The following TOX3 variants were observed in gnomAD, a reference collection of about 807,000 sequenced individuals.
TOX3 encodes the protein CAG trinucleotide repeat-containing gene F9 protein.
Under a neutral mutation model 64.3 loss-of-function variants are expected in TOX3, and 22 were observed. The ratio of observed to expected loss-of-function variants is 0.34; its 90% confidence interval spans 0.24 to 0.49. TOX3 has a LOEUF of 0.49. Among genes scored for constraint, TOX3 ranks in the 20% least tolerant of loss-of-function variants. TOX3 has a pLI of 0.99. For synonymous variants in TOX3, 291 were observed against 273.6 expected (o/e 1.06, Z -0.63); for missense variants, 661 against 714.4 (o/e 0.93, Z 0.85).
intron 1 of TOX3, among the ~76,000 whole-genome samples, chr16:52,501,903 C>A (rs1240740883): frequency 6.6e-6 from 1 of 152,088 alleles, no homozygotes; most frequent in Admixed American, 6.5e-5. Context: ...TAAGATGGAC[C>A]CTTCTCACCA....
intron 1 of TOX3, among the ~76,000 whole-genome samples, chr16:52,502,862 G>C (rs984129951): frequency 6.6e-6 from 1 of 152,042 alleles, no homozygotes; most frequent in Non-Finnish European, 1.5e-5. Context: ...ACTTTAAATT[G>C]GGGTCAAAAA....
chr16:52,532,408 C>G (rs944510662), intron 1 of TOX3, among the ~76,000 whole-genome samples: 2 of 152,176 alleles, frequency 1.3e-5, no homozygotes, highest in Non-Finnish European at 2.9e-5. Context: ...CATGAACAAG[C>G]CCAGGCTGGC....
chr16:52,524,799 A>G (rs1405378638), intron 1 of TOX3, among the ~76,000 whole-genome samples: 2 of 152,062 alleles, frequency 1.3e-5, no homozygotes, highest in African/African-American at 4.8e-5. Flanking sequence ...TCTGGCCTCG[A>G]CCATCCTCTC....
At chr16:52,536,428 G>C (rs1962945351) in intron 1 of TOX3, among the ~76,000 whole-genome samples, 1 of 151,200 alleles carries the variant, frequency 6.6e-6, no homozygotes, top group Non-Finnish European at 1.5e-5. Context: ...AGAATATCAA[G>C]TTCAAAAAGA....
chr16:52,510,765 A>C (rs948581751), intron 1 of TOX3, among the ~76,000 whole-genome samples: 4 of 144,556 alleles, frequency 2.8e-5, no homozygotes, highest in African/African-American at 1.0e-4. Flanking sequence ...GTCTCAAAAA[A>C]AAAAAAAAAA....
At chr16:52,454,843 C>A (rs1960470151) in intron 3 of TOX3, among the ~76,000 whole-genome samples, 1 of 152,186 alleles carries the variant, frequency 6.6e-6, no homozygotes, top group Admixed American at 6.5e-5. Flanking sequence ...AACAAATTTA[C>A]TACAACATAA....
At position 52,437,789 on chromosome 16, in the gene TOX3, TAAAAAAAAAAA is replaced by T. The variant is rs67145443; in HGVS notation, c.*1425_*1435del. On this transcript the variant is annotated 3_prime_UTR_variant, in exon 7 of 7. Coordinates refer to ENST00000219746, the MANE Select transcript of TOX3 (RefSeq NM_001080430.4). ...CTATACTTACCTTGTACTTGCATCT[TAAAAAAAAAAA>T]AAAAAAAAAAAAAGACAATTACACA... Among the ~76,000 whole-genome samples, 1 of 111,368 alleles carries T rather than the reference TAAAAAAAAAAA, an allele frequency of 9.0e-6. No homozygotes were observed. Among genetic ancestry groups the T allele is most frequent in the Non-Finnish European group, 1.8e-5 (1 of 54,784 alleles). 73.1% of individuals were successfully genotyped at this position (111,368 alleles called of 152,430 possible). A position where few individuals can be genotyped will look rare whatever the true frequency, so the allele number is the denominator to read the frequency against.
intron 3 of TOX3, among the ~76,000 whole-genome samples, chr16:52,459,556 T>G (rs1960626962): frequency 6.6e-6 from 1 of 152,210 alleles, no homozygotes; most frequent in African/African-American, 2.4e-5. Context: ...ATGATAAATT[T>G]GTAAGCATTC....
At chr16:52,496,809 T>G (rs571558850) in intron 1 of TOX3, among the ~76,000 whole-genome samples, 6 of 151,960 alleles carry the variant, frequency 3.9e-5, no homozygotes, top group Non-Finnish European at 7.4e-5. Context: ...TCTTTGTTGC[T>G]CAGAAAGATT....
intron 3 of TOX3, among the ~76,000 whole-genome samples, chr16:52,451,091 T>C (rs139104102): frequency 1.1e-3 from 174 of 152,324 alleles, no homozygotes; most frequent in African/African-American, 3.4e-3. Flanking sequence ...CAGCAAAGCA[T>C]AGAGCTTTAG....
At chr16:52,529,971 T>C (rs1362547) in intron 1 of TOX3, among the ~76,000 whole-genome samples, 93,686 of 152,142 alleles carry the variant, frequency 0.62, 31,473 homozygotes, top group African/African-American at 0.89. Flanking sequence ...TGCCACATAA[T>C]ATGCCATCGT....
chr16:52,469,747 T>A (rs548145067), intron 1 of TOX3, among the ~76,000 whole-genome samples: 2 of 152,288 alleles, frequency 1.3e-5, no homozygotes, highest in South Asian at 4.1e-4. Context: ...GATACATAGA[T>A]ATGGAAGACT....
chr16:52,456,288 A>G (rs988607847), intron 3 of TOX3, among the ~76,000 whole-genome samples: 4 of 152,198 alleles, frequency 2.6e-5, no homozygotes, highest in Admixed American at 1.3e-4. Context: ...GGACATTTCT[A>G]TTTAGTTTAA....
At chr16:52,482,042 C>T (rs1961384676) in intron 1 of TOX3, among the ~76,000 whole-genome samples, 2 of 152,044 alleles carry the variant, frequency 1.3e-5, no homozygotes, top group African/African-American at 4.8e-5. Context: ...AGGGTTTTTG[C>T]TAAACCTATA....
intron 1 of TOX3, among the ~76,000 whole-genome samples, chr16:52,533,059 T>G (rs1186978287): frequency 6.6e-6 from 1 of 152,154 alleles, no homozygotes; most frequent in Non-Finnish European, 1.5e-5. Flanking sequence ...CTATGGAGTG[T>G]TAAGGAGGGC....
intron 1 of TOX3, among the ~76,000 whole-genome samples, chr16:52,544,254 CT>C (rs1413735085): frequency 6.6e-6 from 1 of 152,202 alleles, no homozygotes; most frequent in African/African-American, 2.4e-5. Context: ...CACAAATTAG[CT>C]GTGAAACAAA....
chr16:52,538,418 G>A (rs1482668771), intron 1 of TOX3, among the ~76,000 whole-genome samples: 2 of 151,998 alleles, frequency 1.3e-5, no homozygotes, highest in Non-Finnish European at 2.9e-5. Context: ...TGTAGAAATT[G>A]CTGGAAAAAA....
chr16:52,507,466 G>A (rs955075981), intron 1 of TOX3, among the ~76,000 whole-genome samples: 20 of 152,268 alleles, frequency 1.3e-4, no homozygotes, highest in East Asian at 3.9e-4. Flanking sequence ...TGCAGGCTAC[G>A]TGACTTAAAG....
intron 1 of TOX3, among the ~76,000 whole-genome samples, chr16:52,509,123 T>C (rs1962235739): frequency 6.6e-6 from 1 of 152,218 alleles, no homozygotes; most frequent in African/African-American, 2.4e-5. Flanking sequence ...TTTGGAATTA[T>C]AACTATACTG....
Sources: allele counts gnomAD v4.1 joint callset (sites outside exome capture counted in the v4.1 genomes callset), GRCh38; gene constraint gnomAD v4.1.1; transcripts MANE v1.5; gene names NCBI Gene and HGNC (gene_info 2026-07-23, HGNC 2026-07-21).